The following NR1I2 variants were observed in gnomAD, a reference collection of about 807,000 sequenced individuals.
NR1I2 encodes the protein orphan nuclear receptor PAR1.
Under a neutral mutation model 43.3 loss-of-function variants are expected in NR1I2, and 42 were observed. The ratio of observed to expected loss-of-function variants is 0.97; its 90% confidence interval spans 0.76 to 1.26. The LOEUF (loss-of-function observed/expected upper bound fraction) is 1.26. Among genes scored for constraint, NR1I2 ranks in the 50% most tolerant of loss-of-function variants. The pLI, the probability that NR1I2 is intolerant of heterozygous loss-of-function variation, is 0.00. For synonymous variants in NR1I2, 229 were observed against 215.0 expected (o/e 1.06, Z -0.57); for missense variants, 559 against 566.7 (o/e 0.99, Z 0.14).
At chr3:119,798,272 A>G (rs2055026781) in intron 1 of NR1I2, among the ~76,000 whole-genome samples, 1 of 152,116 alleles carries the variant, frequency 6.6e-6, no homozygotes, top group Non-Finnish European at 1.5e-5. Flanking sequence ...TTTTGAACTC[A>G]CTATCACTGT....
chr3:119,812,910 C>T lies in NR1I2; in HGVS notation c.744C>T (p.Thr248=), dbSNP rs1212733112. ...TGCCCCACATGGCTGACATGTCAAC[C>T]TACATGTTCAAAGGCATCATCAGCT... Residue 248 remains threonine (T), a synonymous_variant, in exon 5 of 9, where the codon ACC becomes ACT. Transcript: ENST00000393716. 2.5e-6 allele frequency: 4 copies of T among 1,614,126 alleles called. No homozygotes were observed. Among genetic ancestry groups the T allele is most frequent in the Non-Finnish European group, 3.4e-6 (4 of 1,180,028 alleles).
intron 8 of NR1I2, among the ~76,000 whole-genome samples, 154 bp from the exon 9 acceptor site, chr3:119,816,914 A>G (rs2055337508): frequency 6.6e-6 from 1 of 151,808 alleles, no homozygotes; most frequent in African/African-American, 2.4e-5. Flanking sequence ...TCTCATCTAC[A>G]GGGTAAAAGA....
intron 1 of NR1I2, chr3:119,792,064 G>A (rs974225346): frequency 2.7e-6 from 2 of 738,320 alleles, no homozygotes; most frequent in East Asian, 2.5e-5. Context: ...ATCACTGGTA[G>A]CAAAGATTTA....
intron 2 of NR1I2, among the ~76,000 whole-genome samples, chr3:119,807,920 A>C (rs1253463408): frequency 1.3e-5 from 2 of 152,188 alleles, no homozygotes; most frequent in South Asian, 4.1e-4. Flanking sequence ...GTATGCAAGG[A>C]GCAGCTCCCA....
At chr3:119,805,346 T>C (rs1462072402) in intron 1 of NR1I2, among the ~76,000 whole-genome samples, 1 of 152,178 alleles carries the variant, frequency 6.6e-6, no homozygotes, top group Non-Finnish European at 1.5e-5. Context: ...TTTGAAATTA[T>C]ATGTGATTAT....
chr3:119,793,843 T>C (rs949297961), intron 1 of NR1I2, among the ~76,000 whole-genome samples: 4 of 152,162 alleles, frequency 2.6e-5, no homozygotes, highest in African/African-American at 9.7e-5. Flanking sequence ...AAAAACATTA[T>C]AGAGGCATGC....
At chr3:119,811,484 G>T in intron 3 of NR1I2, 55 bp from the exon 4 acceptor site, 2 of 1,537,534 alleles carry the variant, frequency 1.3e-6, no homozygotes, top group South Asian at 1.2e-5. Context: ...CTCTCCAGGG[G>T]GCTGGAGGCT....
chr3:119,798,639 CA>C (rs142013482), intron 1 of NR1I2, among the ~76,000 whole-genome samples: 62 of 121,606 alleles, frequency 5.1e-4, no homozygotes, highest in Middle Eastern at 4.3e-3. Flanking sequence ...GACTCCGTCT[CA>C]AAAAAAAAAA....
intron 1 of NR1I2, among the ~76,000 whole-genome samples, chr3:119,788,113 A>T (rs994846315): frequency 9.1e-5 from 4 of 44,030 alleles, no homozygotes; most frequent in African/African-American, 1.5e-4. Flanking sequence ...TTAAAAAATT[A>T]TTATTATTAT....
chr3:119,804,157 G>A (rs1431882274), intron 1 of NR1I2, among the ~76,000 whole-genome samples: 1 of 151,108 alleles, frequency 6.6e-6, no homozygotes, highest in African/African-American at 2.4e-5. Flanking sequence ...AGATAACGAG[G>A]TCAGGAGATC....
intron 1 of NR1I2, among the ~76,000 whole-genome samples, chr3:119,787,550 G>T (rs1394256579): frequency 6.6e-6 from 1 of 151,896 alleles, no homozygotes; most frequent in East Asian, 1.9e-4. Flanking sequence ...CAACGTCAAT[G>T]GTTTTATAGG....
chr3:119,808,326 T>C (rs1174077381), intron 2 of NR1I2, among the ~76,000 whole-genome samples: 1 of 152,208 alleles, frequency 6.6e-6, no homozygotes, highest in South Asian at 2.1e-4. Context: ...GCAGGAATCA[T>C]TATGTTCAGC....
rs67882119 is a variant in NR1I2 at position 119,792,490 on chromosome 3, T to G, written c.-23+10190T>G. On this transcript the variant is annotated intron_variant, in intron 1 of 8. Coordinates refer to ENST00000393716, the MANE Select transcript of NR1I2 (RefSeq NM_003889.4). ...CAGAGGACATCACGTACCAGCTCTC[T>G]CGCTCTTGGAACATCACCAATCTGC... is the stretch of plus-strand genomic sequence containing the variant. 6,599 of 1,076,156 alleles carry G rather than the reference T, an allele frequency of 6.1e-3. 31 individuals are homozygous for G. Among genetic ancestry groups the G allele is most frequent in the Non-Finnish European group, 8.1e-3 (5,745 of 713,442 alleles). The allele number at this position is 1,076,156 out of a possible 1,614,324, so 66.7% of individuals were successfully genotyped here.
chr3:119,814,323 A>G (rs913245968), intron 5 of NR1I2, among the ~76,000 whole-genome samples: 1 of 152,190 alleles, frequency 6.6e-6, no homozygotes, highest in African/African-American at 2.4e-5. Flanking sequence ...CCATGTAACC[A>G]TAATCTCAGA....
At chr3:119,796,529 C>T in intron 1 of NR1I2, among the ~76,000 whole-genome samples, 1 of 152,240 alleles carries the variant, frequency 6.6e-6, no homozygotes, top group East Asian at 1.9e-4. Flanking sequence ...TCCCTTCCCT[C>T]CCAACCCTAT....
intron 1 of NR1I2, among the ~76,000 whole-genome samples, chr3:119,793,829 G>A (rs555624092): frequency 1.3e-5 from 2 of 152,212 alleles, no homozygotes; most frequent in African/African-American, 2.4e-5. Flanking sequence ...ATAAGGACAC[G>A]ATCAAAAACA....
At chr3:119,812,143 G>T (rs2055252724) in intron 4 of NR1I2, among the ~76,000 whole-genome samples, 1 of 152,010 alleles carries the variant, frequency 6.6e-6, no homozygotes, top group African/African-American at 2.4e-5. Context: ...GGGGCTTTAT[G>T]AGGACAGGAT....
In NR1I2 at chr3:119,817,223, T is replaced by C. The variant is rs766793056; in HGVS notation, c.*11T>C. On this transcript the variant is annotated 3_prime_UTR_variant, in exon 9 of 9. Transcript: ENST00000393716. ...ATCACAGGTAGCTGAGCGGCTGCCC[T>C]TGGGTGACACCTCCGAGAGGCAGCC... 2.2e-5 allele frequency: 35 copies of C among 1,613,348 alleles called. No homozygotes were observed. The highest frequency in any genetic ancestry group is 2.8e-5 in the Non-Finnish European group (33 of 1,179,980).
At chr3:119,790,220 A>T (rs1249206652) in intron 1 of NR1I2, among the ~76,000 whole-genome samples, 2 of 152,056 alleles carry the variant, frequency 1.3e-5, no homozygotes, top group Non-Finnish European at 1.5e-5. Flanking sequence ...GTTCATCCGT[A>T]TTGTAGCATG....
Sources: gnomAD v4.1 joint callset for allele counts (sites outside exome capture counted in the v4.1 genomes callset) on GRCh38, gnomAD v4.1.1 for gene constraint, MANE v1.5 for transcripts, NCBI Gene and HGNC (gene_info 2026-07-23, HGNC 2026-07-21) for gene names.